MYO1H: variants seen among roughly 807,000 people sequenced by gnomAD.
The protein encoded by MYO1H is myosin IH, also known as unconventional myosin-Ih.
MYO1H carries 118 observed loss-of-function variants against 149.3 expected under a neutral mutation model. That is an observed-to-expected ratio of 0.79 (90% CI 0.68 to 0.92). MYO1H has a LOEUF of 0.92. MYO1H is among the 40% of genes least tolerant of loss of function. The pLI is 0.00. For missense variants in MYO1H, 1,212 were observed against 1,280.7 expected, an observed-to-expected ratio of 0.95 and a Z score of 0.82; for synonymous variants, 447 against 465.2, an observed-to-expected ratio of 0.96 and a Z score of 0.50.
chr12:109,405,254 G>T (rs1349231322), intron 7 of MYO1H, among the ~76,000 whole-genome samples: 2 of 151,976 alleles, frequency 1.3e-5, no homozygotes, highest in Non-Finnish European at 2.9e-5. Flanking sequence ...GATAGATAAT[G>T]TTATTTGAAA....
chr12:109,427,625 T>TAGTAG, intron 19 of MYO1H, 39 bp downstream of exon 19: 1 of 1,367,304 alleles, frequency 7.3e-7, no homozygotes, highest in Non-Finnish European at 1.0e-6. Flanking sequence ...AATAGTCATG[T>TAGTAG]GCCTACTACA....
At chr12:109,337,788 C>G in the MYO1H span, among the ~76,000 whole-genome samples, 5 of 152,198 alleles carry the variant, frequency 3.3e-5, no homozygotes, top group African/African-American at 1.2e-4. Flanking sequence ...GGAGTGAAAC[C>G]TGTTATGTAC....
chr12:109,446,678 T>C (rs769172792), intron 31 of MYO1H, among the ~76,000 whole-genome samples: 1 of 152,102 alleles, frequency 6.6e-6, no homozygotes, highest in Non-Finnish European at 1.5e-5. Flanking sequence ...GCAGGAGAAT[T>C]GCTTGAACAC....
chr12:109,377,758 A>G (rs912006901), intron 1 of MYO1H, among the ~76,000 whole-genome samples: 1 of 152,234 alleles, frequency 6.6e-6, no homozygotes, highest in African/African-American at 2.4e-5. Context: ...TTAAATAAGT[A>G]TTATGAAAAA....
chr12:109,442,044 C>A (rs989460433), intron 26 of MYO1H, among the ~76,000 whole-genome samples, 173 bp from the exon 27 acceptor site: 1 of 152,080 alleles, frequency 6.6e-6, no homozygotes, highest in East Asian at 1.9e-4. Context: ...GAGACTCTGT[C>A]TCCAAAAAAA....
chr12:109,416,727 G>T (rs1187578139), intron 15 of MYO1H, among the ~76,000 whole-genome samples: 1 of 152,232 alleles, frequency 6.6e-6, no homozygotes, highest in East Asian at 1.9e-4. Context: ...GATGGCTCAC[G>T]CCTGTAATCC....
intron 1 of MYO1H, among the ~76,000 whole-genome samples, chr12:109,356,868 G>T (rs1566017562): frequency 6.6e-6 from 1 of 152,192 alleles, no homozygotes; most frequent in Non-Finnish European, 1.5e-5. Context: ...CTGTAGAGCT[G>T]TCAGTGTTGG....
intron 1 of MYO1H, among the ~76,000 whole-genome samples, chr12:109,373,448 G>A (rs1380624708): frequency 6.6e-6 from 1 of 151,950 alleles, no homozygotes; most frequent in Non-Finnish European, 1.5e-5. Context: ...TTAAAACTTA[G>A]ATGTATAATT....
chr12:109,408,341 T>TAA (rs199746111), intron 10 of MYO1H, among the ~76,000 whole-genome samples: 2 of 140,184 alleles, frequency 1.4e-5, no homozygotes, highest in Non-Finnish European at 3.2e-5. Context: ...CCTGCTAATT[T>TAA]TAAAAAAAAA....
chr12:109,448,023 A>T (rs6606719), exon 32 of MYO1H: 1 of 152,156 alleles, frequency 6.6e-6, no homozygotes, highest in Non-Finnish European at 1.5e-5. Context: ...TTATTTACTG[A>T]TGTATGCGGC....
intron 1 of MYO1H, among the ~76,000 whole-genome samples, chr12:109,388,058 T>A (rs77367726): frequency 0.058 from 8,901 of 152,232 alleles, 857 homozygotes; most frequent in African/African-American, 0.2. Flanking sequence ...CACTCCAAGT[T>A]TGTCCTTCCT....
chr12:109,404,293 C>T (rs1310237907), intron 7 of MYO1H, among the ~76,000 whole-genome samples: 1 of 152,112 alleles, frequency 6.6e-6, no homozygotes, highest in Non-Finnish European at 1.5e-5. Flanking sequence ...GCCTGGCCAA[C>T]ATGGTGAAAC....
intron 1 of MYO1H, among the ~76,000 whole-genome samples, chr12:109,374,816 G>T (rs771317790): frequency 6.6e-6 from 1 of 151,760 alleles, no homozygotes; most frequent in Admixed American, 6.6e-5. Flanking sequence ...TTATATTCCG[G>T]TGCATATTAA....
intron 1 of MYO1H, among the ~76,000 whole-genome samples, chr12:109,351,798 A>C (rs1025924029): frequency 6.6e-6 from 1 of 152,198 alleles, no homozygotes; most frequent in African/African-American, 2.4e-5. Flanking sequence ...TCTGGAGTAA[A>C]TGTTTCTAAT....
Position 109,415,632 on chromosome 12 carries a change from T to C in MYO1H, c.1597+12T>C. The C allele has an allele frequency of 6.3e-7, 1 of 1,579,878 alleles. No homozygotes were observed. The highest frequency in any genetic ancestry group is 8.6e-7 in the Non-Finnish European group (1 of 1,162,174). On this transcript the variant is annotated intron_variant, in intron 15 of 31. Coordinates refer to ENST00000310903, the Ensembl canonical transcript of MYO1H. ...ATACTGCACCAAGGGTGAGTGGCCG[T>C]GGGGTACAGGTGACAGCCATGTATG... is the stretch of plus-strand genomic sequence containing the variant.
upstream of MYO1H, among the ~76,000 whole-genome samples, chr12:109,346,517 T>C (rs1189106173): frequency 6.6e-6 from 1 of 152,184 alleles, no homozygotes; most frequent in Non-Finnish European, 1.5e-5. Context: ...TTCCAGCACT[T>C]TGGGAGGCTG....
At chr12:109,423,937 G>A (rs1299766779) in intron 16 of MYO1H, among the ~76,000 whole-genome samples, 2 of 152,296 alleles carry the variant, frequency 1.3e-5, no homozygotes, top group East Asian at 1.9e-4. Context: ...AGGGGCGAAA[G>A]TCAAACAGTC....
At chr12:109,326,992 A>G in the MYO1H span, among the ~76,000 whole-genome samples, 1 of 152,190 alleles carries the variant, frequency 6.6e-6, no homozygotes, top group Non-Finnish European at 1.5e-5. Flanking sequence ...TCTCTTAGAT[A>G]TTAACACTGT....
intron 20 of MYO1H, among the ~76,000 whole-genome samples, chr12:109,433,393 C>T (rs1871722912): frequency 6.6e-6 from 1 of 152,178 alleles, no homozygotes; most frequent in Non-Finnish European, 1.5e-5. Context: ...TCATCTGTAG[C>T]ATCTCAGAAA....
Sources: allele counts gnomAD v4.1 joint callset (sites outside exome capture counted in the v4.1 genomes callset), GRCh38; gene constraint gnomAD v4.1.1; transcripts MANE v1.5; gene names NCBI Gene and HGNC (gene_info 2026-07-23, HGNC 2026-07-21).